The following LIMCH1 variants were observed in gnomAD, a reference collection of about 807,000 sequenced individuals.
The protein encoded by LIMCH1 is LIM and calponin homology domains 1.
Under a neutral mutation model 176.5 loss-of-function variants are expected in LIMCH1, and 113 were observed. That is an observed-to-expected ratio of 0.64 (90% CI 0.55 to 0.75). The LOEUF is 0.75. Among genes scored for constraint, LIMCH1 ranks in the 30% least tolerant of loss-of-function variants. The pLI is 0.00. For synonymous variants in LIMCH1, 619 were observed against 645.9 expected, an observed-to-expected ratio of 0.96 and a Z score of 0.63; for missense variants, 1,674 against 1,814.9, an observed-to-expected ratio of 0.92 and a Z score of 1.41.
At chr4:41,434,916 T>G (rs1293803487) in intron 1 of LIMCH1, among the ~76,000 whole-genome samples, 1 of 152,246 alleles carries the variant, frequency 6.6e-6, no homozygotes, top group Non-Finnish European at 1.5e-5. Context: ...TAGGAGTAAA[T>G]ATTTGCCAGA....
intron 1 of LIMCH1, among the ~76,000 whole-genome samples, chr4:41,404,334 G>A (rs1447203857): frequency 1.3e-5 from 2 of 152,082 alleles, no homozygotes; most frequent in African/African-American, 4.8e-5. Context: ...CAGACTTTGT[G>A]TCTCAACAGG....
intron 7 of LIMCH1, among the ~76,000 whole-genome samples, chr4:41,626,430 T>C (rs2152845535): frequency 6.6e-6 from 1 of 152,316 alleles, no homozygotes; most frequent in African/African-American, 2.4e-5. Context: ...ATCTGCACTG[T>C]CACTTTCAGA....
At chr4:41,560,015 CT>C (rs891966484) in intron 1 of LIMCH1, among the ~76,000 whole-genome samples, 9 of 152,298 alleles carry the variant, frequency 5.9e-5, no homozygotes, top group Non-Finnish European at 1.0e-4. Flanking sequence ...ACCTAGACTT[CT>C]TTTCCTGTGT....
intron 1 of LIMCH1, among the ~76,000 whole-genome samples, chr4:41,435,077 G>A (rs1318519221): frequency 2.0e-5 from 3 of 152,054 alleles, no homozygotes; most frequent in Non-Finnish European, 4.4e-5. Context: ...TCCTGAGATG[G>A]GGAGATTATC....
intron 1 of LIMCH1, among the ~76,000 whole-genome samples, chr4:41,445,613 A>C (rs1046850791): frequency 1.3e-4 from 20 of 152,248 alleles, no homozygotes; most frequent in African/African-American, 4.8e-4. Flanking sequence ...TTAGGTATTC[A>C]AGAAAAGCAT....
chr4:41,370,732 CA>C (rs907519173), intron 1 of LIMCH1, among the ~76,000 whole-genome samples: 1 of 152,142 alleles, frequency 6.6e-6, no homozygotes, highest in Non-Finnish European at 1.5e-5. Context: ...ACAGCAAACA[CA>C]CTTCTGGAAC....
chr4:41,480,963 G>T (rs546366928), intron 1 of LIMCH1, among the ~76,000 whole-genome samples: 1 of 151,918 alleles, frequency 6.6e-6, no homozygotes. Context: ...ACAAGGGCTC[G>T]ATCAGAGGAT....
chr4:41,431,615 A>G (rs1479380957), intron 1 of LIMCH1, among the ~76,000 whole-genome samples: 2 of 152,198 alleles, frequency 1.3e-5, no homozygotes, highest in African/African-American at 4.8e-5. Flanking sequence ...TTTCCAAGAA[A>G]ATAAATACAG....
At chr4:41,426,558 A>C (rs1032146789) in intron 1 of LIMCH1, among the ~76,000 whole-genome samples, 12 of 152,220 alleles carry the variant, frequency 7.9e-5, no homozygotes, top group Admixed American at 3.3e-4. Flanking sequence ...GGTTCTCTAC[A>C]TATTACTGCC....
intron 5 of LIMCH1, among the ~76,000 whole-genome samples, chr4:41,616,535 AT>A (rs2092097567): frequency 1.1e-4 from 2 of 18,710 alleles, no homozygotes; most frequent in Admixed American, 8.7e-4. Context: ...ATCTCAAAAA[AT>A]AATAATAATA....
At chr4:41,636,340 CTTTTTTTTT>C (rs35828085) in intron 13 of LIMCH1, among the ~76,000 whole-genome samples, 1 of 104,926 alleles carries the variant, frequency 9.5e-6, no homozygotes, top group African/African-American at 3.7e-5. Context: ...TGCTTTATTA[CTTTTTTTTT>C]TTTTTTTTTT....
rs34266308 is a variant in LIMCH1 at position 41,627,019 on chromosome 4, GGTGTGTGTGT to G, written c.1028+34_1028+43del. 295 of 1,407,506 alleles carry G rather than the reference GGTGTGTGTGT, an allele frequency of 2.1e-4. No homozygotes were observed. Among genetic ancestry groups the G allele is most frequent in the East Asian group, 1.5e-3 (58 of 38,836 alleles). 87.2% of individuals were successfully genotyped at this position (1,407,506 alleles called of 1,614,324 possible). On this transcript the variant is annotated intron_variant, in intron 8 of 31. Transcript: ENST00000503057. ...AGTCTAGAATATAAAAGGTGTGCAT[GGTGTGTGTGT>G]GTGTGTGTGTGTGTGTGTGTGTGTC...
intron 1 of LIMCH1, among the ~76,000 whole-genome samples, chr4:41,492,294 G>C (rs2071219716): frequency 6.6e-6 from 1 of 152,136 alleles, no homozygotes; most frequent in Non-Finnish European, 1.5e-5. Flanking sequence ...CCAGGCACTG[G>C]GCAGGCCGAG....
chr4:41,383,423 G>C (rs2056012834), intron 1 of LIMCH1, among the ~76,000 whole-genome samples: 1 of 152,214 alleles, frequency 6.6e-6, no homozygotes, highest in Non-Finnish European at 1.5e-5. Context: ...GGAGCGAAGT[G>C]ATGAAGGGGT....
rs2059438884 is a variant in LIMCH1 at position 41,411,083 on chromosome 4, C to A, written c.96+50147C>A. Among the ~76,000 whole-genome samples the A allele has an allele frequency of 1.3e-5, 2 of 152,172 alleles. 1 individual carries two copies. Among genetic ancestry groups the A allele is most frequent in the South Asian group, 4.1e-4 (2 of 4,830 alleles). On this transcript the variant is annotated intron_variant, in intron 1 of 26. Transcript: ENST00000313860. The stretch of plus-strand genomic sequence containing the variant: ...TCAAACTCAGCACTTGAATGATTGC[C>A]TGTGTTTGTAAAGCATTTTTACAGT...
At chr4:41,547,728 A>G (rs2079699637) in intron 1 of LIMCH1, among the ~76,000 whole-genome samples, 1 of 145,846 alleles carries the variant, frequency 6.9e-6, no homozygotes, top group African/African-American at 2.5e-5. Flanking sequence ...ATATACATAT[A>G]TAATATATAC....
Position 41,620,448 on chromosome 4 carries a change from G to T in LIMCH1, c.483G>T (p.Glu161Asp), listed in dbSNP as rs2092478839. 9 of 1,536,116 alleles carry T rather than the reference G, an allele frequency of 5.9e-6. No homozygotes were observed. The highest frequency in any genetic ancestry group is 7.8e-6 in the Non-Finnish European group (9 of 1,146,916). Residue 161 changes from glutamate (E) to aspartate (D), a missense_variant, in exon 7 of 32, where the codon GAG (glutamate) becomes GAT (aspartate). This residue lies in a region of LIMCH1 where 655 missense variants were observed against 692.2 expected (regional missense o/e 0.95). Coordinates refer to ENST00000503057, the MANE Select transcript of LIMCH1 (RefSeq NM_001330672.2). ...GCTTTCCTGAAACGATAGAGGAAGA[G>T]GGGAGTGAAGTGGGGTCTGCTGGTG... ...PFSFPETIEE[E>D]GSEVGSAGED...
chr4:41,364,131 T>C (rs559270051), intron 1 of LIMCH1, among the ~76,000 whole-genome samples: 25 of 152,274 alleles, frequency 1.6e-4, no homozygotes, highest in African/African-American at 5.8e-4. Context: ...ACAACAAAAA[T>C]GACTAAGAGT....
At chr4:41,629,962 T>A (rs756703164) in intron 9 of LIMCH1, among the ~76,000 whole-genome samples, 23 of 151,860 alleles carry the variant, frequency 1.5e-4, no homozygotes, top group Non-Finnish European at 2.6e-4. Context: ...CATGCCACTA[T>A]GCCTGGTTAA....
Sources: gnomAD v4.1 joint callset for allele counts (sites outside exome capture counted in the v4.1 genomes callset) on GRCh38, gnomAD v4.1.1 for gene constraint, gnomAD v4.1.1 regional missense constraint, MANE v1.5 for transcripts, NCBI Gene and HGNC (gene_info 2026-07-23, HGNC 2026-07-21) for gene names.